Variants in ADAM23 observed in about 807,000 individuals in gnomAD.
ADAM23 encodes the protein disintegrin and metalloproteinase domain-containing protein 23.
Under a neutral mutation model 120.1 loss-of-function variants are expected in ADAM23, and 33 were observed. That is an observed-to-expected ratio of 0.27 (90% CI 0.21 to 0.37). The LOEUF (loss-of-function observed/expected upper bound fraction) is 0.37, where lower values mean the gene tolerates loss of function less well. Among genes scored for constraint, ADAM23 ranks in the 10% least tolerant of loss-of-function variants. ADAM23 has a pLI of 1.00. For synonymous variants in ADAM23, 367 were observed against 375.2 expected, an observed-to-expected ratio of 0.98 and a Z score of 0.25; for missense variants, 862 against 1,058.2, an observed-to-expected ratio of 0.81 and a Z score of 2.57.
At chr2:206,535,064 G>C (rs996721041) in intron 4 of ADAM23, among the ~76,000 whole-genome samples, 2 of 151,914 alleles carry the variant, frequency 1.3e-5, no homozygotes, top group Admixed American at 6.6e-5. Context: ...TGTGTATGTG[G>C]CTGGGGTTAG....
chr2:206,558,095 A>G (rs1697682873), intron 10 of ADAM23, among the ~76,000 whole-genome samples: 2 of 152,134 alleles, frequency 1.3e-5, no homozygotes, highest in South Asian at 4.1e-4. Flanking sequence ...TTCAATATTG[A>G]TATGTTTTCC....
chr2:206,509,887 C>T (rs1043648362), intron 3 of ADAM23, among the ~76,000 whole-genome samples: 2 of 152,222 alleles, frequency 1.3e-5, no homozygotes, highest in African/African-American at 4.8e-5. Flanking sequence ...CTGTGTGACA[C>T]ATGAGTGATT....
At chr2:206,594,683 A>C in intron 22 of ADAM23, 54 bp from the exon 23 acceptor site, 1 of 1,596,368 alleles carries the variant, frequency 6.3e-7, no homozygotes, top group South Asian at 1.1e-5. Flanking sequence ...TCATTCATGG[A>C]ATGATGTTCT....
intron 20 of ADAM23, 62 bp downstream of exon 20, chr2:206,588,216 C>G: frequency 6.4e-7 from 1 of 1,557,132 alleles, no homozygotes. Context: ...GTGTTCTTCT[C>G]TGCCAGTCTT....
chr2:206,573,781 A>T (rs945082828), intron 18 of ADAM23, among the ~76,000 whole-genome samples: 5 of 152,156 alleles, frequency 3.3e-5, no homozygotes, highest in African/African-American at 1.2e-4. Context: ...CCGTGTTTTA[A>T]ACCTTTGAAA....
At chr2:206,588,888 T>C (rs927629913) in intron 20 of ADAM23, among the ~76,000 whole-genome samples, 1 of 152,252 alleles carries the variant, frequency 6.6e-6, no homozygotes, top group Non-Finnish European at 1.5e-5. Context: ...CATTCAGTGC[T>C]TTAGTTTTGA....
chr2:206,520,527 C>T (rs898440939), intron 3 of ADAM23, among the ~76,000 whole-genome samples: 63 of 152,248 alleles, frequency 4.1e-4, no homozygotes, highest in African/African-American at 1.4e-3. Context: ...TAATTCTCTT[C>T]TTCTTATTTT....
rs895468551 is a variant in ADAM23, at chr2:206,605,935, C to T, written c.2360-3975C>T. ...TCTGTGTGGTGCCTGATGTGTGAGGCGATGCCTGTACCTGACTCCATGTCT... is the reference window on the plus strand; with the variant it reads ...TCTGTGTGGTGCCTGATGTGTGAGGTGATGCCTGTACCTGACTCCATGTCT... On this transcript the variant is annotated intron_variant, in intron 24 of 25. Coordinates refer to ENST00000264377, the MANE Select transcript of ADAM23 (RefSeq NM_003812.4). The T allele has an allele frequency of 2.1e-5, 13 of 612,686 alleles. No homozygotes were observed. In the African/African-American group the frequency reaches 2.3e-4, roughly 11 times the overall value. The allele number at this position is 612,686 out of a possible 1,614,324, so 38.0% of individuals were successfully genotyped here. A position where few individuals can be genotyped will look rare whatever the true frequency, so the allele number is the denominator to read the frequency against.
intron 24 of ADAM23, chr2:206,607,129 G>A (rs1471790626): frequency 1.3e-5 from 2 of 152,230 alleles, no homozygotes; most frequent in East Asian, 3.8e-4. Flanking sequence ...CAAGGACTTT[G>A]ACCAGACTTA....
Position 206,543,288 on chromosome 2 carries a change from T to C in ADAM23, c.692T>C (p.Ile231Thr). The change falls in exon 6 of 26, where the codon ATA becomes ACA. Residue 231 changes from isoleucine to threonine, a missense_variant. Physicochemically the swap from Ile to Thr is moderately conservative, Grantham distance 89 (BLOSUM62 -1). Transcript: ENST00000264377. Reference sequence around the variant, plus strand: ...GAAGATGATACCTTCGTGTATATGATAGAGCCACTAGAGCTGGTTCATGAT... The same window carrying C: ...GAAGATGATACCTTCGTGTATATGACAGAGCCACTAGAGCTGGTTCATGAT... The part of the protein sequence containing the change: ...MFEDDTFVYM[I>T]EPLELVHDEK... The C allele has an allele frequency of 1.2e-6, 2 of 1,614,118 alleles. No individual in the cohort carries two copies. The highest frequency in any genetic ancestry group is 8.5e-7 in the Non-Finnish European group (1 of 1,179,978).
chr2:206,582,282 T>TA lies in ADAM23; in HGVS notation c.1738-5042dup, dbSNP rs764554595. Among the ~76,000 whole-genome samples the TA allele has an allele frequency of 5.6e-4, 86 of 152,360 alleles. 1 individual carries two copies. Among genetic ancestry groups the TA allele is most frequent in the South Asian group, 1.9e-3 (9 of 4,830 alleles). On this transcript the variant is annotated intron_variant, in intron 18 of 25. Coordinates refer to ENST00000264377, the MANE Select transcript of ADAM23 (RefSeq NM_003812.4). ...TATTTTCCTGTTGGACAAGGCCTTTTACCATTATATACTGTCCCTCTTTGT... is the reference window on the plus strand; with the variant it reads ...TATTTTCCTGTTGGACAAGGCCTTTTAACCATTATATACTGTCCCTCTTTGT...
At chr2:206,574,419 C>A (rs941548223) in intron 18 of ADAM23, among the ~76,000 whole-genome samples, 51 of 139,702 alleles carry the variant, frequency 3.7e-4, no homozygotes, top group African/African-American at 1.3e-3. Context: ...TTTTTTTTGG[C>A]AGGAGGGGCC....
intron 3 of ADAM23, among the ~76,000 whole-genome samples, chr2:206,495,906 G>A (rs1298416149): frequency 1.3e-5 from 2 of 152,282 alleles, no homozygotes; most frequent in African/African-American, 2.4e-5. Context: ...GACAAAGAAG[G>A]CCATTATGTA....
chr2:206,576,928 ATAATT>A (rs1698127775), intron 18 of ADAM23, among the ~76,000 whole-genome samples: 2 of 152,198 alleles, frequency 1.3e-5, no homozygotes, highest in Admixed American at 1.3e-4. Context: ...GTAGTATAAC[ATAATT>A]TAAAATAAAC....
intron 3 of ADAM23, among the ~76,000 whole-genome samples, chr2:206,527,489 T>C (rs2284982): frequency 1.3e-5 from 2 of 152,246 alleles, no homozygotes; most frequent in African/African-American, 2.4e-5. Context: ...AAGACTTTTA[T>C]AATTAATTAG....
chr2:206,561,245 A>G, intron 12 of ADAM23, 33 bp downstream of exon 12: 2 of 1,578,972 alleles, frequency 1.3e-6, no homozygotes, highest in South Asian at 1.1e-5. Context: ...TCATCTTTGC[A>G]TCTGTTCTCT....
At chr2:206,527,827 A>G (rs1696972894) in intron 3 of ADAM23, among the ~76,000 whole-genome samples, 1 of 152,190 alleles carries the variant, frequency 6.6e-6, no homozygotes, top group Non-Finnish European at 1.5e-5. Flanking sequence ...ATTTACAGGA[A>G]GTAGAAGAGT....
rs563470583 is a variant in ADAM23, at chr2:206,595,959, C to G, written c.2248-92C>G. On this transcript the variant is annotated intron_variant, in intron 23 of 25. Coordinates refer to ENST00000264377, the MANE Select transcript of ADAM23 (RefSeq NM_003812.4). ...AAGAAATTCCAAATAGCTTTTAAAG[C>G]TTCCTCCCTGCCCCCGTGTCTCTTT... The G allele has an allele frequency of 5.1e-6, 5 of 971,202 alleles. No homozygotes were observed. The Admixed American group carries it at 8.2e-5, about 16-fold the overall frequency. 60.2% of individuals were successfully genotyped at this position (971,202 alleles called of 1,614,324 possible).
rs1484163774 is a variant in ADAM23, at chr2:206,609,802, G to A, written c.2360-108G>A. On this transcript the variant is annotated intron_variant, in intron 24 of 25. Coordinates refer to ENST00000264377, the MANE Select transcript of ADAM23 (RefSeq NM_003812.4). The stretch of plus-strand genomic sequence containing the variant: ...ATAAAGGCAATTTAAATGTTTAGCC[G>A]TCTTTTACACAGGATATTTACTTCC... The A allele has an allele frequency of 3.1e-5, 26 of 833,912 alleles. 1 individual carries two copies. The highest frequency in any genetic ancestry group is 1.7e-4 in the South Asian group (9 of 54,514). 51.7% of individuals were successfully genotyped at this position (833,912 alleles called of 1,614,324 possible). A position where few individuals can be genotyped will look rare whatever the true frequency, so the allele number is the denominator to read the frequency against.
Sources: allele counts gnomAD v4.1 joint callset (sites outside exome capture counted in the v4.1 genomes callset), GRCh38; gene constraint gnomAD v4.1.1; transcripts MANE v1.5; gene names NCBI Gene and HGNC (gene_info 2026-07-23, HGNC 2026-07-21).